AATK: variants seen among roughly 807,000 people sequenced by gnomAD.
AATK encodes lemur tail kinase 1.
AATK carries 91 observed loss-of-function variants against 114.3 expected under a neutral mutation model. That is an observed-to-expected ratio of 0.80 (90% CI 0.67 to 0.95). AATK has a LOEUF of 0.95. Among genes scored for constraint, AATK ranks in the 40% least tolerant of loss-of-function variants. The probability of loss-of-function intolerance (pLI) is 0.00; values close to 1 mark genes in which losing one functional copy is unlikely to be tolerated. For missense variants in AATK, 2,176 were observed against 1,965.2 expected, an observed-to-expected ratio of 1.11 and a Z score of -2.03; for synonymous variants, 1,075 against 916.5, an observed-to-expected ratio of 1.17 and a Z score of -3.12.
intron 2 of AATK, chr17:81,133,326 C>T (rs1354266709): frequency 4.8e-6 from 2 of 412,744 alleles, no homozygotes; most frequent in Admixed American, 2.9e-5. Context: ...GAGCCAGCTC[C>T]TTGGCCCATT....
intron 1 of AATK, among the ~76,000 whole-genome samples, chr17:81,157,099 G>A (rs111889635): frequency 0.16 from 23,973 of 152,168 alleles, 2,357 homozygotes; most frequent in East Asian, 0.27. Flanking sequence ...CATCTGCCGC[G>A]TGGGATTCTG....
chr17:81,157,669 C>A (rs573110596), intron 1 of AATK, among the ~76,000 whole-genome samples: 1 of 152,332 alleles, frequency 6.6e-6, no homozygotes, highest in South Asian at 2.1e-4. Flanking sequence ...ACAGCCCAGG[C>A]CCAGCCTGCA....
intron 1 of AATK, among the ~76,000 whole-genome samples, chr17:81,139,661 C>T (rs1008413301): frequency 1.8e-4 from 27 of 152,128 alleles, no homozygotes; most frequent in African/African-American, 5.8e-4. Context: ...AGTAGCTGCA[C>T]TGAAAGGTCA....
rs930671942 is a variant in AATK, at chr17:81,121,765, G to A, written c.2171C>T (p.Pro724Leu). 2 of 1,530,328 alleles carry A rather than the reference G, an allele frequency of 1.3e-6. No homozygotes were observed. Among genetic ancestry groups the A allele is most frequent in the Non-Finnish European group, 1.8e-6 (2 of 1,142,728 alleles). 94.8% of individuals were successfully genotyped at this position (1,530,328 alleles called of 1,614,324 possible). The change falls in exon 11 of 14, where the codon CCT becomes CTT. Residue 724 changes from proline to leucine, a missense_variant. Transcript: ENST00000326724. ...TPRASPEPGY[P>L]GEPLLGLQAA... ...CTGGAGCCCAAGCAGAGGCTCTCCA[G>A]GGTACCCCGGCTCGGGGGAGGCCCG...
intron 1 of AATK, among the ~76,000 whole-genome samples, chr17:81,155,009 T>G (rs1197942351): frequency 6.6e-6 from 1 of 152,330 alleles, no homozygotes; most frequent in East Asian, 1.9e-4. Context: ...TCATTTCCAG[T>G]GCTGGAGGTG....
At chr17:81,138,768 C>T (rs754548592) in intron 1 of AATK, among the ~76,000 whole-genome samples, 3 of 147,296 alleles carry the variant, frequency 2.0e-5, no homozygotes, top group Non-Finnish European at 3.0e-5. Flanking sequence ...TGCACACCCA[C>T]ATGCACGCAC....
At chr17:81,162,140 G>T (rs1177155111) in intron 1 of AATK, among the ~76,000 whole-genome samples, 1 of 152,068 alleles carries the variant, frequency 6.6e-6, no homozygotes, top group East Asian at 1.9e-4. Flanking sequence ...TGGTAGGTGG[G>T]AGCCGGACCC....
chr17:81,134,323 T>G (rs1371345809), intron 2 of AATK, 45 bp downstream of exon 2: 2 of 1,609,242 alleles, frequency 1.2e-6, no homozygotes, highest in Non-Finnish European at 1.7e-6. Context: ...CTACAGGCCT[T>G]GCCTGCGGGA....
At chr17:81,138,127 A>G (rs12601567) in intron 1 of AATK, among the ~76,000 whole-genome samples, 117,037 of 148,556 alleles carry the variant, frequency 0.79, 46,326 homozygotes, top group East Asian at 0.98. Context: ...GACATACCCC[A>G]CACACACATG....
At position 81,134,377 on chromosome 17, in the gene AATK, G is replaced by C. The variant is rs745405011; in HGVS notation, c.180C>G (p.Ile60Met). 6.2e-7 allele frequency: 1 copy of C among 1,613,170 alleles called. No individual in the cohort carries two copies. The highest frequency in any genetic ancestry group is 8.5e-7 in the Non-Finnish European group (1 of 1,179,784). The stretch of plus-strand genomic sequence containing the variant: ...GGCCCCCAGGCCTCACCTTGAACCC[G>C]ATACCGCCCTTCTTACAGCACAGGC... ...LACLCCKKGG[I>M]GFKEFENAEG... The change falls in exon 2 of 14, where the codon ATC becomes ATG. Residue 60 changes from isoleucine to methionine, a missense_variant. Coordinates refer to ENST00000326724, the MANE Select transcript of AATK (RefSeq NM_001080395.3).
intron 1 of AATK, among the ~76,000 whole-genome samples, chr17:81,138,744 T>C (rs1285864564): frequency 7.9e-6 from 1 of 127,106 alleles, no homozygotes; most frequent in African/African-American, 3.0e-5. Context: ...CGCACACAGA[T>C]ACCAACACGC....
At chr17:81,151,276 A>C in intron 1 of AATK, among the ~76,000 whole-genome samples, 2 of 926 alleles carry the variant, frequency 2.2e-3, no homozygotes, top group Admixed American at 0.014. Flanking sequence ...ACCCAGGCCC[A>C]GCCCCACCTG....
In AATK at chr17:81,124,843, G is replaced by A; in HGVS notation, c.846C>T (p.Asp282=). ...YGLAHCKYRE[D]YFVTADQLWV... ...ACAGCTGGTCGGCAGTCACGAAGTA[G>A]TCCTCCTGTTGGCACAGGGACGGGT... The change falls in exon 9 of 14, where the codon GAC becomes GAT. Residue 282 remains aspartate, a synonymous_variant. Coordinates refer to ENST00000326724, the MANE Select transcript of AATK (RefSeq NM_001080395.3). 6.2e-7 allele frequency: 1 copy of A among 1,609,458 alleles called. No individual in the cohort carries two copies. The highest frequency in any genetic ancestry group is 1.1e-5 in the South Asian group (1 of 90,586).
At chr17:81,120,148 C>T (rs2060680817) in intron 11 of AATK, 53 bp downstream of exon 11, 5 of 1,515,482 alleles carry the variant, frequency 3.3e-6, no homozygotes, top group Admixed American at 4.4e-5. Flanking sequence ...CCACCCCTTC[C>T]TGCGGGAGCG....
At chr17:81,138,123 CCCCACACACA>C (rs2061047020) in intron 1 of AATK, among the ~76,000 whole-genome samples, 1 of 149,216 alleles carries the variant, frequency 6.7e-6, no homozygotes. Flanking sequence ...CACAGACATA[CCCCACACACA>C]CATGCACACA....
intron 1 of AATK, among the ~76,000 whole-genome samples, chr17:81,148,095 G>T (rs1376763082): frequency 7.8e-6 from 1 of 127,740 alleles, no homozygotes; most frequent in Non-Finnish European, 1.7e-5. Flanking sequence ...AAAAAGAACA[G>T]AAGAAAGCTG....
chr17:81,121,330 C>T lies in AATK; in HGVS notation c.2606G>A (p.Gly869Asp). ...GTCGCTGGACGTGTCGGTGAAGATG[C>T]CTGAGGTGGCCTCGGCCGTGTCCTC... ...EDEDTAEATS[G>D]IFTDTSSDGL... The change falls in exon 11 of 14, where the codon GGC becomes GAC. Residue 869 changes from glycine to aspartate, a missense_variant. Transcript: ENST00000326724. 1 of 1,612,142 alleles carries T rather than the reference C, an allele frequency of 6.2e-7. No individual in the cohort carries two copies.
At chr17:81,161,795 C>T (rs1007373914) in intron 1 of AATK, among the ~76,000 whole-genome samples, 10 of 152,222 alleles carry the variant, frequency 6.6e-5, no homozygotes, top group African/African-American at 2.2e-4. Flanking sequence ...GGTTGGGAGC[C>T]GGGGAGGCAG....
At chr17:81,160,818 A>G (rs2061422275) in intron 1 of AATK, among the ~76,000 whole-genome samples, 1 of 152,200 alleles carries the variant, frequency 6.6e-6, no homozygotes, top group Admixed American at 6.5e-5. Flanking sequence ...CGTGAGCTGG[A>G]GACAGGAGGC....
Sources: gnomAD v4.1 joint callset for allele counts (sites outside exome capture counted in the v4.1 genomes callset) on GRCh38, gnomAD v4.1.1 for gene constraint, MANE v1.5 for transcripts, NCBI Gene and HGNC (gene_info 2026-07-23, HGNC 2026-07-21) for gene names.